ADAMTS2: variants seen among roughly 807,000 people sequenced by gnomAD.
ADAMTS2 encodes the protein A disintegrin and metalloproteinase with thrombospondin motifs 2.
Under a neutral mutation model 123.0 loss-of-function variants are expected in ADAMTS2, and 50 were observed. The observed-to-expected ratio is 0.41, with a 90% CI of 0.32 to 0.51. The LOEUF is 0.51. Among genes scored for constraint, ADAMTS2 ranks in the 20% least tolerant of loss-of-function variants. The pLI, the probability that ADAMTS2 is intolerant of heterozygous loss-of-function variation, is 0.35. For missense variants in ADAMTS2, 1,494 were observed against 1,705.2 expected, an observed-to-expected ratio of 0.88 and a Z score of 2.18; for synonymous variants, 678 against 695.4, an observed-to-expected ratio of 0.98 and a Z score of 0.39.
chr5:179,184,407 A>G (rs1277444989), intron 4 of ADAMTS2, among the ~76,000 whole-genome samples: 1 of 149,476 alleles, frequency 6.7e-6, no homozygotes, highest in African/African-American at 2.5e-5. Flanking sequence ...GCTGCTCAGG[A>G]GGCTGAGGCA....
intron 7 of ADAMTS2, 54 bp from the exon 8 acceptor site, chr5:179,154,246 C>T (rs1763423988): frequency 1.3e-6 from 2 of 1,534,004 alleles, no homozygotes; most frequent in Admixed American, 2.0e-5. Flanking sequence ...GTCTGCCAGT[C>T]CCACCCCACC....
intron 11 of ADAMTS2, among the ~76,000 whole-genome samples, chr5:179,138,332 G>T (rs1763101165): frequency 6.6e-6 from 1 of 152,196 alleles, no homozygotes; most frequent in East Asian, 1.9e-4. Flanking sequence ...CCCCAGCACG[G>T]CAGGAGCTGA....
intron 3 of ADAMTS2, among the ~76,000 whole-genome samples, chr5:179,265,124 T>C (rs1766334240): frequency 6.6e-6 from 1 of 152,180 alleles, no homozygotes; most frequent in Non-Finnish European, 1.5e-5. Context: ...GCAGCCCTAA[T>C]GCAGCTCCTC....
chr5:179,244,673 A>T (rs970237613), intron 3 of ADAMTS2, among the ~76,000 whole-genome samples: 10 of 152,216 alleles, frequency 6.6e-5, no homozygotes, highest in African/African-American at 2.4e-4. Context: ...ATAGAAGAAG[A>T]TGTATATAAT....
At chr5:179,211,499 T>G (rs771766285) in intron 3 of ADAMTS2, among the ~76,000 whole-genome samples, 51 of 152,238 alleles carry the variant, frequency 3.4e-4, no homozygotes, top group Non-Finnish European at 5.7e-4. Context: ...TGGCATTCCC[T>G]GTGCTCAGGG....
At chr5:179,298,501 A>G (rs1756408574) in intron 2 of ADAMTS2, among the ~76,000 whole-genome samples, 2 of 152,184 alleles carry the variant, frequency 1.3e-5, no homozygotes, top group Admixed American at 1.3e-4. Context: ...CCGATCTCAC[A>G]TGTGAGACTC....
At chr5:179,172,964 G>C (rs1453841681) in intron 5 of ADAMTS2, among the ~76,000 whole-genome samples, 1 of 151,956 alleles carries the variant, frequency 6.6e-6, no homozygotes, top group African/African-American at 2.4e-5. Flanking sequence ...CAGTGCTATG[G>C]GAGGCAGAGG....
rs921614613 is a variant in ADAMTS2 at position 179,317,741 on chromosome 5, A to T, written c.534+26026T>A. On this transcript the variant is annotated intron_variant, in intron 2 of 21. Transcript: ENST00000251582. This position sits in a 1 kb window ranked among gnomAD's most constrained non-coding sequence, Gnocchi z 4.9. Reference sequence around the variant, plus strand: ...CACGTGTACATTTCAGCACGCGTCTAGGGGAGGTTAGCGTGCCAGCACCAG... The same window carrying T: ...CACGTGTACATTTCAGCACGCGTCTTGGGGAGGTTAGCGTGCCAGCACCAG... 5.9e-5 allele frequency among the ~76,000 whole-genome samples: 9 copies of T among 152,220 alleles called. No individual in the cohort carries two copies. The highest frequency in any genetic ancestry group is 1.2e-4 in the Non-Finnish European group (8 of 68,030).
intron 10 of ADAMTS2, among the ~76,000 whole-genome samples, chr5:179,151,637 G>C (rs2113245229): frequency 6.6e-6 from 1 of 152,298 alleles, no homozygotes; most frequent in African/African-American, 2.4e-5. Context: ...GGAGTTCTGG[G>C]AGGACAACAG....
intron 11 of ADAMTS2, among the ~76,000 whole-genome samples, chr5:179,138,771 C>G (rs543198373): frequency 1.2e-4 from 18 of 152,252 alleles, no homozygotes; most frequent in Admixed American, 2.0e-4. Context: ...GATCCCTCCG[C>G]GGAGCCGTGA....
At position 179,345,191 on chromosome 5, in the gene ADAMTS2, T is replaced by TG. The variant is rs1417947464; in HGVS notation, c.137dup (p.Gly47ArgfsTer19). On this transcript the variant is annotated frameshift_variant and splice_region_variant, in exon 1 of 22. Coordinates refer to ENST00000251582, the MANE Select transcript of ADAMTS2 (RefSeq NM_014244.5). LOFTEE classifies it high-confidence loss of function. The surrounding 1 kb of genome is among the most constrained non-coding windows in gnomAD (Gnocchi z 7.5). ...GAGTAGGGGCCGGGCCGCACCTACC[T>TG]GGGGGGTCGGCGGCGGCGGCGAGCC... 2 of 1,107,942 alleles carry TG rather than the reference T, an allele frequency of 1.8e-6. No homozygotes were observed. The highest frequency in any genetic ancestry group is 4.3e-5 in the South Asian group (1 of 23,440). 68.6% of individuals were successfully genotyped at this position (1,107,942 alleles called of 1,614,324 possible).
chr5:179,260,351 A>G lies in ADAMTS2; in HGVS notation c.688+12560T>C, dbSNP rs913235153. Among the ~76,000 whole-genome samples the G allele has an allele frequency of 1.3e-5, 2 of 152,178 alleles. No individual in the cohort carries two copies. The highest frequency in any genetic ancestry group is 6.5e-5 in the Admixed American group (1 of 15,280). On this transcript the variant is annotated intron_variant, in intron 3 of 21. Coordinates refer to ENST00000251582, the MANE Select transcript of ADAMTS2 (RefSeq NM_014244.5). The surrounding 1 kb of genome is among the most constrained non-coding windows in gnomAD (Gnocchi z 4.2). ...AACCGTGTGCCAGGCATTCCTCAAA[A>G]TGCTGCAAATTCCACTGTAAGCAAA...
chr5:179,268,067 A>G (rs1224319313), intron 3 of ADAMTS2, among the ~76,000 whole-genome samples: 2 of 152,198 alleles, frequency 1.3e-5, no homozygotes, highest in Middle Eastern at 3.2e-3. Context: ...ATTTTAAGCC[A>G]CATTTTAACA....
intron 2 of ADAMTS2, among the ~76,000 whole-genome samples, chr5:179,326,820 G>A (rs563259550): frequency 7.2e-5 from 11 of 152,248 alleles, no homozygotes; most frequent in South Asian, 2.1e-4. Context: ...TCCAGCGCAC[G>A]GGACCTTGCA....
In ADAMTS2 at chr5:179,188,092, G is replaced by A. The variant is rs1438736505; in HGVS notation, c.892-6937C>T. Among the ~76,000 whole-genome samples the A allele has an allele frequency of 1.3e-5, 2 of 152,140 alleles. No individual in the cohort carries two copies. The highest frequency in any genetic ancestry group is 2.1e-4 in the South Asian group (1 of 4,822). ...CCCTACTGGGGAGGCCTACTGGCCTGCCAGCCACAGAGGAGACAGGCAGGG... is the reference window on the plus strand; with the variant it reads ...CCCTACTGGGGAGGCCTACTGGCCTACCAGCCACAGAGGAGACAGGCAGGG... On this transcript the variant is annotated intron_variant, in intron 4 of 21. Transcript: ENST00000251582. The surrounding 1 kb of genome is among the most constrained non-coding windows in gnomAD (Gnocchi z 5.1).
intron 2 of ADAMTS2, among the ~76,000 whole-genome samples, chr5:179,309,816 C>T (rs987928421): frequency 2.0e-5 from 3 of 149,246 alleles, no homozygotes; most frequent in Non-Finnish European, 3.0e-5. Flanking sequence ...CCGGGTGGGT[C>T]ACCTCTCCGT....
intron 4 of ADAMTS2, among the ~76,000 whole-genome samples, chr5:179,182,800 C>T (rs1019459314): frequency 5.3e-5 from 8 of 152,152 alleles, no homozygotes; most frequent in Non-Finnish European, 8.8e-5. Context: ...ACCGTGGCTC[C>T]GGGCTGTAGG....
chr5:179,245,786 A>AAAAAAAAAACAAAAAAAAC (rs1765783108), intron 3 of ADAMTS2, among the ~76,000 whole-genome samples: 2 of 135,664 alleles, frequency 1.5e-5, no homozygotes, highest in African/African-American at 5.5e-5. Flanking sequence ...AAAAAAAAAA[A>AAAAAAAAAACAAAAAAAAC]AAAAAAAAAC....
intron 2 of ADAMTS2, among the ~76,000 whole-genome samples, chr5:179,309,809 G>A (rs1756777168): frequency 6.6e-6 from 1 of 151,054 alleles, no homozygotes; most frequent in African/African-American, 2.4e-5. Context: ...CACTTGACCG[G>A]GTGGGTCACC....
Sources: allele counts gnomAD v4.1 joint callset (sites outside exome capture counted in the v4.1 genomes callset), GRCh38; gene constraint gnomAD v4.1.1; non-coding constraint Gnocchi (gnomAD v3.1); transcripts MANE v1.5; gene names NCBI Gene and HGNC (gene_info 2026-07-23, HGNC 2026-07-21).